The following MAP3K20 variants were observed in gnomAD, a reference collection of about 807,000 sequenced individuals.
The protein encoded by MAP3K20 is HCCS-4.
A neutral mutation model predicts 85.7 loss-of-function variants in MAP3K20; 40 were observed. The observed-to-expected ratio is 0.47, with a 90% CI of 0.36 to 0.61. The LOEUF is 0.61. Among genes scored for constraint, MAP3K20 ranks in the 20% least tolerant of loss-of-function variants. The pLI is 0.00. For missense variants in MAP3K20, 817 were observed against 961.7 expected (o/e 0.85, Z 1.99); for synonymous variants, 325 against 327.7 (o/e 0.99, Z 0.09).
intron 2 of MAP3K20, among the ~76,000 whole-genome samples, chr2:173,112,253 A>G (rs987320162): frequency 6.6e-6 from 1 of 152,076 alleles, no homozygotes; most frequent in African/African-American, 2.4e-5. Flanking sequence ...TGTGTATATT[A>G]ATCTTGTATT....
In MAP3K20 at chr2:173,075,846, C is replaced by A. The variant is rs183034670; in HGVS notation, c.-191C>A. On this transcript the variant is annotated 5_prime_UTR_variant, in exon 1 of 20. Coordinates refer to ENST00000375213, the MANE Select transcript of MAP3K20 (RefSeq NM_016653.3). ...TGGTGCTGTTGCCGTGACTGTCTTC[C>A]TCATTGGCGCCGTGCAGAGAGGCGG... 908 of 985,290 alleles carry A rather than the reference C, an allele frequency of 9.2e-4. 7 individuals carry two copies. The African/African-American group carries it at 0.015, about 16-fold the overall frequency. 61.0% of individuals were successfully genotyped at this position (985,290 alleles called of 1,614,324 possible).
chr2:173,078,571 T>C lies in MAP3K20; in HGVS notation c.-35+2569T>C, dbSNP rs556801583. On this transcript the variant is annotated intron_variant, in intron 1 of 19. Transcript: ENST00000375213. ...ATTGATTCGACTGATACATGGGTGCTTTTATGTCAGACCCTCCTACGGATG... is the reference window on the plus strand; with the variant it reads ...ATTGATTCGACTGATACATGGGTGCCTTTATGTCAGACCCTCCTACGGATG... Among the ~76,000 whole-genome samples the C allele has an allele frequency of 2.0e-4, 30 of 152,292 alleles. No homozygotes were observed. In the South Asian group the frequency reaches 3.7e-3, roughly 19 times the overall value.
intron 3 of MAP3K20, among the ~76,000 whole-genome samples, chr2:173,170,538 C>T (rs368002191): frequency 1.3e-5 from 2 of 152,102 alleles, no homozygotes; most frequent in African/African-American, 4.8e-5. Context: ...GGTCTATAAT[C>T]GGTTTTACAA....
chr2:173,179,491 A>C (rs1690261434), intron 3 of MAP3K20, among the ~76,000 whole-genome samples: 1 of 152,094 alleles, frequency 6.6e-6, no homozygotes, highest in Non-Finnish European at 1.5e-5. Context: ...ACCCACAGCT[A>C]ATATCTTATT....
chr2:173,243,228 TTCAC>T (rs903918207), intron 16 of MAP3K20, among the ~76,000 whole-genome samples: 2 of 151,858 alleles, frequency 1.3e-5, no homozygotes, highest in African/African-American at 4.8e-5. Context: ...TCCACGGGAG[TTCAC>T]TGGATGAGGA....
intron 4 of MAP3K20, 48 bp downstream of exon 4, chr2:173,183,003 C>T: frequency 6.8e-7 from 1 of 1,463,848 alleles, no homozygotes; most frequent in Non-Finnish European, 9.4e-7. Context: ...GTGCATTTTC[C>T]CCTCCTGAAA....
intron 16 of MAP3K20, among the ~76,000 whole-genome samples, chr2:173,247,199 T>C (rs541865030): frequency 2.5e-4 from 38 of 152,334 alleles, no homozygotes; most frequent in African/African-American, 8.9e-4. Context: ...AATTCGGCTT[T>C]TTACAAATGC....
chr2:173,224,379 A>C (rs1319651691), intron 11 of MAP3K20: 3 of 985,246 alleles, frequency 3.0e-6, no homozygotes, highest in Non-Finnish European at 3.6e-6. Context: ...TTTTTTCTTA[A>C]TTTATGTATA....
rs143682474 is a variant in MAP3K20, at chr2:173,256,906, C to T, written c.1360-1793C>T. ...GTGGCTTACACCTGTAATCCCAGCA[C>T]TTTGGGAGGCTGAAGTGGGAGGATC... is the stretch of plus-strand genomic sequence containing the variant. On this transcript the variant is annotated intron_variant, in intron 16 of 19. Transcript: ENST00000375213. Among the ~76,000 whole-genome samples the T allele has an allele frequency of 0.038, 5,768 of 152,102 alleles. 770 individuals carry two copies. In the East Asian group the frequency reaches 0.52, roughly 14 times the overall value.
intron 11 of MAP3K20, chr2:173,225,400 C>T: frequency 3.9e-6 from 1 of 257,284 alleles, no homozygotes; most frequent in Non-Finnish European, 6.1e-6. Flanking sequence ...TCGAGACCAG[C>T]CTGGCCAACA....
chr2:173,130,300 A>C (rs1227738490), intron 2 of MAP3K20, among the ~76,000 whole-genome samples: 1 of 152,244 alleles, frequency 6.6e-6, no homozygotes, highest in Non-Finnish European at 1.5e-5. Flanking sequence ...ATATTTACTG[A>C]CATGGAAAAA....
intron 2 of MAP3K20, among the ~76,000 whole-genome samples, chr2:173,165,253 A>T (rs1689781813): frequency 6.6e-6 from 1 of 151,858 alleles, no homozygotes; most frequent in African/African-American, 2.4e-5. Flanking sequence ...TACTGAAAAA[A>T]AAAAAATACA....
At chr2:173,151,960 C>A (rs1689320550) in intron 2 of MAP3K20, among the ~76,000 whole-genome samples, 1 of 152,168 alleles carries the variant, frequency 6.6e-6, no homozygotes. Flanking sequence ...TCATTCATTG[C>A]AAAAGAATTA....
intron 12 of MAP3K20, among the ~76,000 whole-genome samples, chr2:173,231,035 CT>C (rs1323093828): frequency 6.6e-6 from 1 of 152,078 alleles, no homozygotes; most frequent in African/African-American, 2.4e-5. Flanking sequence ...AACTCAGGGA[CT>C]TATGCTATCC....
At chr2:173,086,859 C>T (rs1245740060) in intron 1 of MAP3K20, among the ~76,000 whole-genome samples, 2 of 152,204 alleles carry the variant, frequency 1.3e-5, no homozygotes, top group Non-Finnish European at 2.9e-5. Flanking sequence ...TTCTCTACTC[C>T]TCCTTCTTCC....
chr2:173,226,818 C>CT, intron 11 of MAP3K20: 2 of 983,684 alleles, frequency 2.0e-6, no homozygotes, highest in Non-Finnish European at 2.4e-6. Flanking sequence ...TATTTATATT[C>CT]TTTGAGTGTG....
At chr2:173,095,068 A>G (rs139110824) in intron 2 of MAP3K20, among the ~76,000 whole-genome samples, 3 of 152,306 alleles carry the variant, frequency 2.0e-5, no homozygotes, top group Non-Finnish European at 4.4e-5. Context: ...CCTTTAGTCA[A>G]CCATTCATTC....
intron 2 of MAP3K20, among the ~76,000 whole-genome samples, chr2:173,097,214 A>G (rs2106155695): frequency 6.6e-6 from 1 of 152,230 alleles, no homozygotes; most frequent in Admixed American, 6.5e-5. Flanking sequence ...AAATTAGCCA[A>G]GCATGGTGGC....
intron 2 of MAP3K20, among the ~76,000 whole-genome samples, chr2:173,151,516 A>G (rs1689306617): frequency 2.0e-5 from 3 of 152,222 alleles, no homozygotes; most frequent in Admixed American, 2.0e-4. Flanking sequence ...AGTTGCTTCC[A>G]TACTCAGATC....
Sources: allele counts gnomAD v4.1 joint callset (sites outside exome capture counted in the v4.1 genomes callset), GRCh38; gene constraint gnomAD v4.1.1; transcripts MANE v1.5; gene names NCBI Gene and HGNC (gene_info 2026-07-23, HGNC 2026-07-21).